The following OSBPL9 variants were observed in gnomAD, a reference collection of about 807,000 sequenced individuals.
The protein encoded by OSBPL9 is oxysterol binding protein like 9.
OSBPL9 carries 40 observed loss-of-function variants against 106.6 expected under a neutral mutation model. That is an observed-to-expected ratio of 0.38 (90% confidence interval 0.29 to 0.49). The LOEUF is 0.49. OSBPL9 is among the 20% of genes least tolerant of loss of function. OSBPL9 has a pLI of 0.97. For missense variants in OSBPL9, 609 were observed against 887.2 expected, an observed-to-expected ratio of 0.69 and a Z score of 3.98; for synonymous variants, 269 against 295.4, an observed-to-expected ratio of 0.91 and a Z score of 0.92.
intron 1 of OSBPL9, among the ~76,000 whole-genome samples, chr1:51,644,283 G>A (rs1646005904): frequency 1.3e-5 from 2 of 151,972 alleles, no homozygotes; most frequent in African/African-American, 4.8e-5. Flanking sequence ...TTGATTGGAT[G>A]GAAGAGAGAC....
At chr1:51,636,285 C>T (rs1057344029) in intron 1 of OSBPL9, among the ~76,000 whole-genome samples, 1 of 151,132 alleles carries the variant, frequency 6.6e-6, no homozygotes, top group Non-Finnish European at 1.5e-5. Flanking sequence ...CTCAGCCTCC[C>T]CAGTAACTAG....
At chr1:51,780,433 C>G (rs1272073546) in intron 15 of OSBPL9, among the ~76,000 whole-genome samples, 1 of 152,148 alleles carries the variant, frequency 6.6e-6, no homozygotes, top group Non-Finnish European at 1.5e-5. Context: ...TTTATAGCAG[C>G]ACAATTTGCA....
chr1:51,636,149 C>CTTTTTT (rs1461058811), intron 1 of OSBPL9, among the ~76,000 whole-genome samples: 1 of 114,786 alleles, frequency 8.7e-6, no homozygotes, highest in African/African-American at 3.3e-5. Flanking sequence ...CTCTCTCTCT[C>CTTTTTT]TTGTTTTTTT....
intron 1 of OSBPL9, among the ~76,000 whole-genome samples, chr1:51,624,228 T>C (rs1259337779): frequency 1.3e-5 from 2 of 152,082 alleles, no homozygotes; most frequent in Non-Finnish European, 2.9e-5. Context: ...TATGGTACAT[T>C]TTAGTAGTCC....
rs1247900331 is a variant in OSBPL9 at position 51,788,571 on chromosome 1, G to A, written c.*782G>A. The A allele has an allele frequency of 2.0e-5, 3 of 152,280 alleles. No individual in the cohort carries two copies. The highest frequency in any genetic ancestry group is 4.4e-5 in the Non-Finnish European group (3 of 68,042). The allele number at this position is 152,280 out of a possible 1,614,324, so 9.4% of individuals were successfully genotyped here. ...TTCAAAGAAAGACACTTGAAATAAT[G>A]GAGGATCCATTCTTTTCCTCTGTCA... On this transcript the variant is annotated 3_prime_UTR_variant, in exon 24 of 24. Transcript: ENST00000428468.
intron 2 of OSBPL9, among the ~76,000 whole-genome samples, chr1:51,668,789 G>C (rs373518786): frequency 6.6e-6 from 1 of 152,134 alleles, no homozygotes; most frequent in Admixed American, 6.5e-5. Context: ...CATATACTAA[G>C]TATGTACTTA....
chr1:51,610,305 C>T (rs968577326), intron 2 of OSBPL9, among the ~76,000 whole-genome samples: 2 of 151,984 alleles, frequency 1.3e-5, no homozygotes, highest in African/African-American at 2.4e-5. Context: ...TCTGTTGCCC[C>T]GGCTGGACTG....
intron 1 of OSBPL9, among the ~76,000 whole-genome samples, chr1:51,617,996 T>TTGTGTGTGTGTGTGTGTGTG (rs58221259): frequency 2.7e-4 from 39 of 145,766 alleles, no homozygotes; most frequent in African/African-American, 9.9e-4. Flanking sequence ...TCTTACGTGG[T>TTGTGTGTGTGTGTGTGTGTG]TGTGTGTGTG....
intron 4 of OSBPL9, among the ~76,000 whole-genome samples, chr1:51,735,771 A>G (rs1665542423): frequency 6.6e-6 from 1 of 152,240 alleles, no homozygotes; most frequent in South Asian, 2.1e-4. Context: ...GCTCAGGATA[A>G]GATTTAGTGT....
intron 3 of OSBPL9, among the ~76,000 whole-genome samples, chr1:51,670,918 A>G (rs1329711741): frequency 6.6e-6 from 1 of 152,196 alleles, no homozygotes; most frequent in Non-Finnish European, 1.5e-5. Context: ...AGGCTGCAGT[A>G]TGGAATTCTC....
the OSBPL9 span, among the ~76,000 whole-genome samples, chr1:51,523,740 G>C: frequency 1.3e-5 from 2 of 152,126 alleles, no homozygotes; most frequent in Non-Finnish European, 2.9e-5. Context: ...AAACAGCTTT[G>C]TCACCAATCA....
intron 2 of OSBPL9, among the ~76,000 whole-genome samples, chr1:51,604,385 G>A (rs1328640650): frequency 2.6e-5 from 4 of 151,952 alleles, no homozygotes; most frequent in South Asian, 4.2e-4. Flanking sequence ...ATGAAACCCC[G>A]TCTCTACTAA....
chr1:51,622,988 G>A (rs1644536615), intron 1 of OSBPL9, among the ~76,000 whole-genome samples: 1 of 152,254 alleles, frequency 6.6e-6, no homozygotes, highest in African/African-American at 2.4e-5. Flanking sequence ...AGGGATGCCA[G>A]AGATGTAAGA....
In OSBPL9 at chr1:51,598,992, C is replaced by CA. The variant is rs986127011; in HGVS notation, c.-353+817dup. Among the ~76,000 whole-genome samples, 293 of 66,792 alleles carry CA rather than the reference C, an allele frequency of 4.4e-3. 1 individual carries two copies. Among genetic ancestry groups the CA allele is most frequent in the South Asian group, 7.4e-3 (16 of 2,162 alleles). 43.8% of individuals were successfully genotyped at this position (66,792 alleles called of 152,430 possible). A position where few individuals can be genotyped will look rare whatever the true frequency, so the allele number is the denominator to read the frequency against. ...CTGGGCAACAGGTGAGACTCTGTCT[C>CA]AAAAAAAAAAAAAAAAAAGTGTGAC... On this transcript the variant is annotated intron_variant, in intron 2 of 25. Transcript: ENST00000371714.
intron 2 of OSBPL9, among the ~76,000 whole-genome samples, chr1:51,662,472 C>G (rs1647267388): frequency 6.6e-6 from 1 of 152,118 alleles, no homozygotes; most frequent in Admixed American, 6.6e-5. Context: ...GGTTTAGATG[C>G]AAGTGAGTCT....
intron 4 of OSBPL9, chr1:51,730,085 A>T: frequency 7.9e-7 from 1 of 1,263,154 alleles, no homozygotes; most frequent in Non-Finnish European, 1.0e-6. Context: ...CGGAGCGCGA[A>T]TGTCGTGCTC....
the OSBPL9 span, chr1:51,566,355 T>A: frequency 6.6e-6 from 1 of 152,258 alleles, no homozygotes; most frequent in Admixed American, 6.5e-5. Context: ...GTCTTCCAGA[T>A]CCTCTATGTG....
chr1:51,674,036 CTCTT>C (rs983927179), intron 3 of OSBPL9, among the ~76,000 whole-genome samples: 130 of 150,290 alleles, frequency 8.6e-4, no homozygotes, highest in African/African-American at 3.1e-3. Flanking sequence ...CTCTCCCTCT[CTCTT>C]TCTTTCCTTT....
intron 3 of OSBPL9, among the ~76,000 whole-genome samples, chr1:51,702,922 T>G (rs568940394): frequency 2.0e-5 from 3 of 152,356 alleles, no homozygotes; most frequent in Admixed American, 6.5e-5. Flanking sequence ...ATTTCTTGTT[T>G]TTGTCAGCTT....
Sources: allele counts gnomAD v4.1 joint callset (sites outside exome capture counted in the v4.1 genomes callset), GRCh38; gene constraint gnomAD v4.1.1; transcripts MANE v1.5; gene names NCBI Gene and HGNC (gene_info 2026-07-23, HGNC 2026-07-21).